The following CNTNAP5 variants were observed in gnomAD, a reference collection of about 807,000 sequenced individuals.
CNTNAP5 encodes contactin-associated protein-like 5.
Under a neutral mutation model 150.2 loss-of-function variants are expected in CNTNAP5, and 72 were observed. That is an observed-to-expected ratio of 0.48 (90% CI 0.40 to 0.58). CNTNAP5 has a LOEUF of 0.58. Among genes scored for constraint, CNTNAP5 ranks in the 20% least tolerant of loss-of-function variants. CNTNAP5 has a pLI of 0.00. For missense variants in CNTNAP5, 1,636 were observed against 1,626.2 expected (o/e 1.01, Z -0.10); for synonymous variants, 672 against 619.8 (o/e 1.08, Z -1.25).
At chr2:124,129,381 C>T (rs999086482) in intron 1 of CNTNAP5, among the ~76,000 whole-genome samples, 3 of 152,102 alleles carry the variant, frequency 2.0e-5, no homozygotes, top group African/African-American at 7.2e-5. Flanking sequence ...CATATCTTTG[C>T]CCCACAGCCA....
chr2:124,321,012 A>G (rs907024610), intron 3 of CNTNAP5, among the ~76,000 whole-genome samples: 11 of 152,232 alleles, frequency 7.2e-5, no homozygotes, highest in African/African-American at 2.7e-4. Context: ...CAGGGCTATG[A>G]TAAGCAGTCA....
chr2:124,284,427 C>T (rs1688093925), intron 3 of CNTNAP5, among the ~76,000 whole-genome samples: 1 of 151,878 alleles, frequency 6.6e-6, no homozygotes, highest in South Asian at 2.1e-4. Flanking sequence ...TATTTGTTCC[C>T]AGGAAGGGAA....
At chr2:124,030,215 A>G (rs1681007161) in intron 1 of CNTNAP5, among the ~76,000 whole-genome samples, 1 of 152,126 alleles carries the variant, frequency 6.6e-6, no homozygotes, top group Admixed American at 6.5e-5. Context: ...TATTTCTGGG[A>G]TGATTATATT....
chr2:124,764,775 A>C (rs900271899), intron 16 of CNTNAP5, among the ~76,000 whole-genome samples: 2 of 152,190 alleles, frequency 1.3e-5, no homozygotes, highest in Admixed American at 1.3e-4. Context: ...ATAATTAAAC[A>C]TTTTGTATAT....
chr2:124,794,610 A>G (rs1453353091), intron 18 of CNTNAP5, among the ~76,000 whole-genome samples: 1 of 152,214 alleles, frequency 6.6e-6, no homozygotes, highest in Non-Finnish European at 1.5e-5. Context: ...ATCATTTAAT[A>G]CTTATATTCA....
intron 11 of CNTNAP5, among the ~76,000 whole-genome samples, chr2:124,598,660 G>T (rs1573486439): frequency 1.3e-5 from 2 of 151,330 alleles, no homozygotes; most frequent in East Asian, 4.0e-4. Flanking sequence ...CTTGAGCTGT[G>T]GTGGGCTCCA....
At chr2:124,858,069 C>T in intron 19 of CNTNAP5, among the ~76,000 whole-genome samples, 1 of 152,162 alleles carries the variant, frequency 6.6e-6, no homozygotes, top group Non-Finnish European at 1.5e-5. Flanking sequence ...ATAATAAGAG[C>T]TATTTATGAC....
chr2:124,437,269 C>G (rs35761668), intron 5 of CNTNAP5, among the ~76,000 whole-genome samples: 30,453 of 151,998 alleles, frequency 0.2, 3,344 homozygotes, highest in East Asian at 0.33. Flanking sequence ...AGCCTGCACT[C>G]CTGACTCCTC....
chr2:124,845,834 C>G (rs1419749969), intron 19 of CNTNAP5, among the ~76,000 whole-genome samples: 2 of 151,878 alleles, frequency 1.3e-5, no homozygotes, highest in Non-Finnish European at 2.9e-5. Flanking sequence ...GTAGTAATAC[C>G]TCCTGTTTCA....
chr2:124,496,340 T>C (rs1444124206), intron 7 of CNTNAP5, among the ~76,000 whole-genome samples: 1 of 152,152 alleles, frequency 6.6e-6, no homozygotes, highest in Admixed American at 6.6e-5. Flanking sequence ...TAGAAATGGT[T>C]GTACTCATTT....
chr2:124,133,369 T>A (rs1195392335), intron 1 of CNTNAP5, among the ~76,000 whole-genome samples: 1 of 152,182 alleles, frequency 6.6e-6, no homozygotes. Context: ...TATCAACACC[T>A]TTTGCAAAGT....
intron 13 of CNTNAP5, among the ~76,000 whole-genome samples, chr2:124,715,080 G>C (rs758901464): frequency 6.6e-6 from 1 of 152,176 alleles, no homozygotes; most frequent in African/African-American, 2.4e-5. Context: ...GCTATTGCTT[G>C]GATCCCAGTA....
intron 6 of CNTNAP5, among the ~76,000 whole-genome samples, chr2:124,473,815 G>A (rs564432015): frequency 1.6e-3 from 238 of 152,050 alleles, no homozygotes; most frequent in Admixed American, 2.4e-3. Flanking sequence ...ACTCATAACA[G>A]GCCGCCTTGC....
In CNTNAP5 at chr2:124,041,220, A is replaced by G. The variant is rs142998696; in HGVS notation, c.82+15488A>G. ...TCTCACCCTTGTTGATACATTGTTT[A>G]GAGTAAAGATTTCTATGTCTTCTGC... On this transcript the variant is annotated intron_variant, in intron 1 of 23. Coordinates refer to ENST00000682447, the MANE Select transcript of CNTNAP5 (RefSeq NM_001367498.1). Among the ~76,000 whole-genome samples the G allele has an allele frequency of 1.5e-3, 230 of 152,348 alleles. 1 individual carries two copies. The highest frequency in any genetic ancestry group is 5.3e-3 in the Admixed American group (81 of 15,306).
At chr2:124,535,780 A>G (rs114290084) in intron 10 of CNTNAP5, among the ~76,000 whole-genome samples, 1,988 of 152,140 alleles carry the variant, frequency 0.013, 40 homozygotes, top group African/African-American at 0.044. Context: ...CTTCTCAAAA[A>G]CAAAAAAAAT....
At chr2:124,860,504 T>TTTCC (rs70999227) in intron 19 of CNTNAP5, among the ~76,000 whole-genome samples, 17 of 17,504 alleles carry the variant, frequency 9.7e-4, no homozygotes, top group East Asian at 2.5e-3. Context: ...TCCTTCCTTC[T>TTTCC]TTCCTTCCTT....
At chr2:124,521,443 A>T (rs745613758) in intron 8 of CNTNAP5, among the ~76,000 whole-genome samples, 3 of 152,234 alleles carry the variant, frequency 2.0e-5, no homozygotes, top group Admixed American at 1.3e-4. Flanking sequence ...AAAACTTGAA[A>T]GAGAGACATA....
intron 7 of CNTNAP5, among the ~76,000 whole-genome samples, chr2:124,496,838 A>C (rs1253325160): frequency 2.0e-5 from 3 of 152,082 alleles, no homozygotes; most frequent in Non-Finnish European, 2.9e-5. Context: ...TCACCAACCC[A>C]TGCATCCCCT....
intron 11 of CNTNAP5, among the ~76,000 whole-genome samples, chr2:124,568,023 T>G (rs1472055700): frequency 1.3e-5 from 2 of 152,210 alleles, no homozygotes; most frequent in Admixed American, 6.5e-5. Flanking sequence ...ATGGTAGAAG[T>G]TGGGCTTTAA....
Sources: gnomAD v4.1 joint callset for allele counts (sites outside exome capture counted in the v4.1 genomes callset) on GRCh38, gnomAD v4.1.1 for gene constraint, MANE v1.5 for transcripts, NCBI Gene and HGNC (gene_info 2026-07-23, HGNC 2026-07-21) for gene names.